RNF220: variants seen among roughly 807,000 people sequenced by gnomAD.
RNF220 encodes E3 ubiquitin-protein ligase RNF220.
A neutral mutation model predicts 67.1 loss-of-function variants in RNF220; 7 were observed. The observed-to-expected ratio is 0.10, with a 90% CI of 0.06 to 0.20. The LOEUF (loss-of-function observed/expected upper bound fraction) is 0.20. Among genes scored for constraint, RNF220 ranks in the 10% least tolerant of loss-of-function variants. RNF220 has a pLI of 1.00. For synonymous variants in RNF220, 270 were observed against 283.2 expected (o/e 0.95, Z 0.47); for missense variants, 565 against 740.3 (o/e 0.76, Z 2.75).
intron 2 of RNF220, among the ~76,000 whole-genome samples, chr1:44,536,005 C>T (rs1439040043): frequency 1.3e-5 from 2 of 152,224 alleles, no homozygotes; most frequent in African/African-American, 4.8e-5. Flanking sequence ...CTCATCCCAA[C>T]TCGCTATTAA....
At chr1:44,597,466 A>G (rs1339255380) in intron 2 of RNF220, among the ~76,000 whole-genome samples, 1 of 55,188 alleles carries the variant, frequency 1.8e-5, no homozygotes, top group East Asian at 3.7e-4. Flanking sequence ...TCTCTCTCTC[A>G]TGCACACACA....
intron 2 of RNF220, among the ~76,000 whole-genome samples, chr1:44,550,486 AG>A (rs1662541310): frequency 6.6e-6 from 1 of 152,162 alleles, no homozygotes; most frequent in African/African-American, 2.4e-5. Flanking sequence ...AATCTCCCCT[AG>A]GTGCATGGGA....
chr1:44,549,824 T>C (rs916197413), intron 2 of RNF220, among the ~76,000 whole-genome samples: 1 of 152,250 alleles, frequency 6.6e-6, no homozygotes, highest in Non-Finnish European at 1.5e-5. Context: ...GCATCTTAGC[T>C]GGCAGACAGA....
chr1:44,490,911 A>G (rs1287061875), intron 2 of RNF220, among the ~76,000 whole-genome samples: 4 of 152,170 alleles, frequency 2.6e-5, no homozygotes, highest in African/African-American at 9.7e-5. Context: ...CATCACTACC[A>G]GACTTACAGA....
chr1:44,632,418 C>G (rs760232351), intron 6 of RNF220, 33 bp downstream of exon 6: 2 of 1,561,582 alleles, frequency 1.3e-6, no homozygotes, highest in Non-Finnish European at 1.7e-6. Flanking sequence ...CTCCGCCCCA[C>G]CCCCGGCCTC....
intron 2 of RNF220, among the ~76,000 whole-genome samples, chr1:44,451,662 G>A (rs913669661): frequency 1.3e-5 from 2 of 151,512 alleles, no homozygotes; most frequent in East Asian, 1.9e-4. Flanking sequence ...GGCTCTTGTC[G>A]CCCAGGCTAG....
At chr1:44,646,655 G>C (rs1339377034) in intron 12 of RNF220, among the ~76,000 whole-genome samples, 1 of 152,200 alleles carries the variant, frequency 6.6e-6, no homozygotes, top group Non-Finnish European at 1.5e-5. Context: ...GCGCCCGAGG[G>C]GGAGGTGGGG....
intron 2 of RNF220, among the ~76,000 whole-genome samples, chr1:44,529,732 A>G (rs1660687035): frequency 6.6e-6 from 1 of 152,198 alleles, no homozygotes; most frequent in African/African-American, 2.4e-5. Context: ...AAAGCACGAC[A>G]GAACACTTCA....
intron 8 of RNF220, among the ~76,000 whole-genome samples, chr1:44,642,482 T>C (rs1476332825): frequency 6.6e-6 from 1 of 152,036 alleles, no homozygotes; most frequent in Non-Finnish European, 1.5e-5. Flanking sequence ...GGAGCAGGCA[T>C]GTATATTGTA....
At chr1:44,426,882 G>A (rs1359288476) in intron 2 of RNF220, among the ~76,000 whole-genome samples, 2 of 152,146 alleles carry the variant, frequency 1.3e-5, no homozygotes, top group Non-Finnish European at 2.9e-5. Context: ...CAGGGGTCCT[G>A]TTCTCCTCCC....
intron 2 of RNF220, among the ~76,000 whole-genome samples, chr1:44,442,470 G>A (rs1425239144): frequency 2.6e-5 from 4 of 151,156 alleles, no homozygotes; most frequent in Non-Finnish European, 5.9e-5. Flanking sequence ...AGAGTCCAAA[G>A]GAGAGCTCTT....
chr1:44,574,035 C>G (rs1664635493), intron 2 of RNF220, among the ~76,000 whole-genome samples: 1 of 152,284 alleles, frequency 6.6e-6, no homozygotes, highest in Middle Eastern at 3.4e-3. Context: ...GGAGCATCAC[C>G]TGAGCCCAGG....
chr1:44,637,614 C>G (rs1644366177), intron 8 of RNF220, among the ~76,000 whole-genome samples: 1 of 152,250 alleles, frequency 6.6e-6, no homozygotes, highest in East Asian at 1.9e-4. Flanking sequence ...GGGCACCAGA[C>G]AGGGCTTATG....
At position 44,510,740 on chromosome 1, in the gene RNF220, G is replaced by A. The variant is rs1006962781; in HGVS notation, c.625+98018G>A. Among the ~76,000 whole-genome samples, 7 of 152,110 alleles carry A rather than the reference G, an allele frequency of 4.6e-5. 1 individual carries two copies. The highest frequency in any genetic ancestry group is 4.1e-4 in the South Asian group (2 of 4,820). ...AGTTACCATGTCTCCCCTACCAGTC[G>A]TTACGCACTGTGAGCACAGGTGTCC... is the stretch of plus-strand genomic sequence containing the variant. On this transcript the variant is annotated intron_variant, in intron 2 of 14. Coordinates refer to ENST00000361799, the MANE Select transcript of RNF220 (RefSeq NM_018150.4).
At chr1:44,526,278 A>G (rs1346964697) in intron 2 of RNF220, among the ~76,000 whole-genome samples, 1 of 152,060 alleles carries the variant, frequency 6.6e-6, no homozygotes, top group Non-Finnish European at 1.5e-5. Context: ...ATGACTTCCC[A>G]TTTCCCACAG....
intron 2 of RNF220, among the ~76,000 whole-genome samples, chr1:44,558,769 A>G (rs923850776): frequency 6.6e-6 from 1 of 152,220 alleles, no homozygotes; most frequent in South Asian, 2.1e-4. Context: ...TGATCTCAAC[A>G]TATAGCAATC....
At chr1:44,465,279 T>C (rs1275020726) in intron 2 of RNF220, among the ~76,000 whole-genome samples, 2 of 152,108 alleles carry the variant, frequency 1.3e-5, no homozygotes, top group African/African-American at 2.4e-5. Context: ...CTAAAGATTC[T>C]TCCTCCCATA....
intron 2 of RNF220, among the ~76,000 whole-genome samples, chr1:44,490,184 T>A (rs1439787653): frequency 2.6e-5 from 4 of 152,088 alleles, no homozygotes; most frequent in Non-Finnish European, 5.9e-5. Flanking sequence ...AAATAAGGTA[T>A]CAGCCGGGCG....
chr1:44,569,877 C>G (rs4660811), intron 2 of RNF220, among the ~76,000 whole-genome samples: 22,651 of 152,132 alleles, frequency 0.15, 2,115 homozygotes, highest in East Asian at 0.27. Flanking sequence ...TGGGCCCCAG[C>G]AGGAGTTCAT....
Sources: allele counts gnomAD v4.1 joint callset (sites outside exome capture counted in the v4.1 genomes callset), GRCh38; gene constraint gnomAD v4.1.1; transcripts MANE v1.5; gene names NCBI Gene and HGNC (gene_info 2026-07-23, HGNC 2026-07-21).